Variants in GPM6A observed in about 807,000 individuals in gnomAD.
GPM6A encodes glycoprotein M6A, also known as neuronal membrane glycoprotein M6-a.
In GPM6A, 7 loss-of-function variants were observed where a neutral mutation model predicts 32.1. The ratio of observed to expected loss-of-function variants is 0.22; its 90% CI spans 0.12 to 0.41. The LOEUF is 0.41. Ranked by LOEUF, GPM6A falls within the 10% of genes least tolerant of loss-of-function variation. The pLI is 1.00. For synonymous variants in GPM6A, 130 were observed against 123.4 expected, an observed-to-expected ratio of 1.05 and a Z score of -0.35; for missense variants, 235 against 347.2, an observed-to-expected ratio of 0.68 and a Z score of 2.57.
chr4:175,748,087 T>C (rs931519368), intron 1 of GPM6A, among the ~76,000 whole-genome samples: 1 of 152,200 alleles, frequency 6.6e-6, no homozygotes, highest in African/African-American at 2.4e-5. Flanking sequence ...CCATTTCTGA[T>C]TCTAGTTCTC....
chr4:175,800,763 C>G (rs1734441524), intron 1 of GPM6A: 1 of 195,158 alleles, frequency 5.1e-6, no homozygotes, highest in African/African-American at 2.4e-5. Flanking sequence ...ACTCTTTTTC[C>G]CTTAAGGACC....
chr4:175,929,836 T>C (rs73014066), intron 1 of GPM6A, among the ~76,000 whole-genome samples: 2,153 of 152,214 alleles, frequency 0.014, 59 homozygotes, highest in African/African-American at 0.049. Flanking sequence ...CCTTCGGAGA[T>C]AGAAACACAC....
At chr4:175,640,868 G>C in intron 4 of GPM6A, 39 bp from the exon 5 acceptor site, 2 of 1,283,992 alleles carry the variant, frequency 1.6e-6, no homozygotes, top group Non-Finnish European at 1.1e-6. Context: ...CAGTATAAAT[G>C]TTTTGAAGAG....
chr4:175,637,327 T>TTATATATTATATAAAAA (rs1740760794), intron 6 of GPM6A, among the ~76,000 whole-genome samples: 2 of 78,714 alleles, frequency 2.5e-5, no homozygotes, highest in Admixed American at 2.3e-4. Flanking sequence ...AAAATATATA[T>TTATATATTATATAAAAA]TATATATTAT....
intron 2 of GPM6A, among the ~76,000 whole-genome samples, chr4:175,677,159 G>A (rs1743417306): frequency 6.6e-6 from 1 of 151,898 alleles, no homozygotes; most frequent in South Asian, 2.1e-4. Context: ...AATAACATAG[G>A]AATATGTTAT....
At chr4:175,764,272 T>A (rs923097608) in intron 1 of GPM6A, among the ~76,000 whole-genome samples, 1 of 152,356 alleles carries the variant, frequency 6.6e-6, no homozygotes. Flanking sequence ...GCTACACACA[T>A]GCTTTTATGC....
At chr4:175,799,800 C>G (rs11133114) in intron 1 of GPM6A, among the ~76,000 whole-genome samples, 62,076 of 142,074 alleles carry the variant, frequency 0.44, 14,614 homozygotes, top group Non-Finnish European at 0.52. Context: ...TCAGCCTCCC[C>G]AGTAGCTGGG....
At chr4:175,879,347 C>G (rs1448464247) in intron 1 of GPM6A, among the ~76,000 whole-genome samples, 1 of 152,188 alleles carries the variant, frequency 6.6e-6, no homozygotes, top group Non-Finnish European at 1.5e-5. Context: ...AGTCCCTTCT[C>G]ATACTGCTAT....
At chr4:175,721,041 T>A (rs143646079) in intron 1 of GPM6A, among the ~76,000 whole-genome samples, 1 of 42,652 alleles carries the variant, frequency 2.3e-5, no homozygotes. Context: ...ACATATATAT[T>A]ATATATATAT....
chr4:175,650,675 A>C (rs930789965), intron 4 of GPM6A, among the ~76,000 whole-genome samples: 2 of 152,278 alleles, frequency 1.3e-5, no homozygotes, highest in Admixed American at 1.3e-4. Flanking sequence ...TGAAGGCTTC[A>C]TCTTGTAGGA....
intron 1 of GPM6A, among the ~76,000 whole-genome samples, chr4:175,702,102 A>G (rs1289493422): frequency 6.6e-6 from 1 of 152,154 alleles, no homozygotes; most frequent in Non-Finnish European, 1.5e-5. Flanking sequence ...ATTGCTCCCA[A>G]ATGTCACATG....
upstream of GPM6A, among the ~76,000 whole-genome samples, chr4:175,816,867 TA>T (rs1216392299): frequency 3.2e-3 from 227 of 70,748 alleles, 4 homozygotes; most frequent in East Asian, 0.019. Context: ...TTTTTATTTT[TA>T]TTTTTTTTTT....
At chr4:175,819,929 T>C (rs1317960736) in intron 1 of GPM6A, among the ~76,000 whole-genome samples, 1 of 152,186 alleles carries the variant, frequency 6.6e-6, no homozygotes, top group Non-Finnish European at 1.5e-5. Flanking sequence ...GAACTTACGA[T>C]TGAAGTTAAA....
At chr4:175,707,759 C>T (rs879631853) in intron 1 of GPM6A, among the ~76,000 whole-genome samples, 7 of 151,912 alleles carry the variant, frequency 4.6e-5, no homozygotes, top group Admixed American at 4.6e-4. Context: ...CTGATATTAT[C>T]GATACTTATG....
At chr4:175,647,996 A>C (rs1403747957) in intron 4 of GPM6A, among the ~76,000 whole-genome samples, 1 of 152,306 alleles carries the variant, frequency 6.6e-6, no homozygotes, top group East Asian at 1.9e-4. Context: ...AAGAAAAGGT[A>C]CCTTTGGATA....
intron 1 of GPM6A, among the ~76,000 whole-genome samples, chr4:175,846,607 A>G (rs1014937806): frequency 1.3e-5 from 2 of 152,154 alleles, no homozygotes; most frequent in Non-Finnish European, 2.9e-5. Flanking sequence ...TTACATCTGT[A>G]TAACTTTTAA....
intron 1 of GPM6A, among the ~76,000 whole-genome samples, chr4:175,718,941 A>G (rs1457443097): frequency 1.3e-5 from 2 of 152,170 alleles, no homozygotes; most frequent in East Asian, 3.9e-4. Context: ...AAAAATTAGA[A>G]ATTAAAAAAT....
intron 1 of GPM6A, among the ~76,000 whole-genome samples, chr4:175,985,003 TTAAGAA>T (rs1740931641): frequency 6.6e-6 from 1 of 152,196 alleles, no homozygotes; most frequent in African/African-American, 2.4e-5. Flanking sequence ...TTACTGTAGT[TTAAGAA>T]TAAGTCTAGA....
At chr4:175,640,230 G>A in intron 5 of GPM6A, 36 bp from the exon 6 acceptor site, 1 of 1,528,452 alleles carries the variant, frequency 6.5e-7, no homozygotes, top group Non-Finnish European at 9.1e-7. Context: ...AAAGGTGTCA[G>A]AGTTATAGGT....
Sources: gnomAD v4.1 joint callset for allele counts (sites outside exome capture counted in the v4.1 genomes callset) on GRCh38, gnomAD v4.1.1 for gene constraint, MANE v1.5 for transcripts, NCBI Gene and HGNC (gene_info 2026-07-23, HGNC 2026-07-21) for gene names.